BRD4: variants seen among roughly 807,000 people sequenced by gnomAD.
BRD4 encodes bromodomain containing 4, also known as bromodomain-containing protein 4.
Under a neutral mutation model 142.1 loss-of-function variants are expected in BRD4, and 16 were observed. That is an observed-to-expected ratio of 0.11 (90% CI 0.08 to 0.17). The LOEUF is 0.17. BRD4 is among the 10% of genes least tolerant of loss of function. The pLI, the probability that BRD4 is intolerant of heterozygous loss-of-function variation, is 1.00. For missense variants in BRD4, 1,424 were observed against 1,810.9 expected, an observed-to-expected ratio of 0.79 and a Z score of 3.88; for synonymous variants, 833 against 707.5, an observed-to-expected ratio of 1.18 and a Z score of -2.82.
chr19:15,244,912 G>A, intron 11 of BRD4, 150 bp from the exon 12 acceptor site: 2 of 1,367,414 alleles, frequency 1.5e-6, no homozygotes, highest in Admixed American at 4.5e-5. Flanking sequence ...GGATGAGTTG[G>A]TCATCACGGG....
intron 1 of BRD4, among the ~76,000 whole-genome samples, chr19:15,326,560 T>C (rs956801919): frequency 3.9e-5 from 6 of 152,142 alleles, no homozygotes; most frequent in Admixed American, 3.3e-4. Context: ...CAAAGACAAA[T>C]AACTGGAAGG....
At chr19:15,329,037 T>C (rs954815939) in intron 1 of BRD4, among the ~76,000 whole-genome samples, 1 of 151,836 alleles carries the variant, frequency 6.6e-6, no homozygotes, top group Non-Finnish European at 1.5e-5. Flanking sequence ...CCTCTCAAAG[T>C]GCTGGGATCA....
intron 2 of BRD4, among the ~76,000 whole-genome samples, chr19:15,271,672 C>A (rs1054738487): frequency 6.6e-6 from 1 of 152,212 alleles, no homozygotes; most frequent in African/African-American, 2.4e-5. Context: ...CTCCCGCAGG[C>A]CAACACAGCT....
chr19:15,265,610 T>C lies in BRD4; in HGVS notation c.593A>G (p.Asn198Ser). Residue 198 changes from asparagine (N) to serine (S), a missense_variant, in exon 5 of 20, where the codon AAC (asparagine) becomes AGC (serine). By Grantham distance (46) the Asn-to-Ser change is conservative. Coordinates refer to ENST00000679869, the MANE Select transcript of BRD4 (RefSeq NM_001379291.1). ...CGGAGGAGTCGATGCTTGAGTTGTG[T>C]TTGGTACCGTGGAAACGCCAGGTTT... The part of the protein sequence containing the change: ...TAKPGVSTVP[N>S]TTQASTPPQT... 6.2e-7 allele frequency: 1 copy of C among 1,614,056 alleles called. No homozygotes were observed. Among genetic ancestry groups the C allele is most frequent in the South Asian group, 1.1e-5 (1 of 91,064 alleles).
Position 15,243,054 on chromosome 19 carries a change from G to T in BRD4, c.3015C>A (p.Ser1005=). Residue 1005 remains serine, a synonymous_variant, in exon 14 of 20, where the codon TCC becomes TCA. Coordinates refer to ENST00000679869, the MANE Select transcript of BRD4 (RefSeq NM_001379291.1). ...RPVHLQPMQF[S]THIQQPPPPQ... is the part of the protein sequence containing the mutation. ...GTGGCGGGGGCTGTTGGATGTGGGT[G>T]GAAAACTGCATGGGCTGCAAGTGCA... 6.5e-7 allele frequency: 1 copy of T among 1,536,230 alleles called. No homozygotes were observed.
chr19:15,314,339 T>C (rs1195323234), intron 1 of BRD4, among the ~76,000 whole-genome samples: 2 of 152,170 alleles, frequency 1.3e-5, no homozygotes, highest in Non-Finnish European at 1.5e-5. Flanking sequence ...CTATTAAACA[T>C]GATACTTATC....
At chr19:15,275,554 G>A (rs1201168248) in intron 1 of BRD4, 1 of 152,192 alleles carries the variant, frequency 6.6e-6, no homozygotes, top group Non-Finnish European at 1.5e-5. Flanking sequence ...GTGACACAGT[G>A]GCCATCCTTA....
intron 11 of BRD4, among the ~76,000 whole-genome samples, chr19:15,252,225 A>T (rs1247434307): frequency 2.6e-5 from 4 of 152,184 alleles, no homozygotes; most frequent in Non-Finnish European, 5.9e-5. Flanking sequence ...CACACACTGG[A>T]AATCAGGATG....
intron 7 of BRD4, among the ~76,000 whole-genome samples, chr19:15,259,484 C>T (rs1015555575): frequency 6.6e-6 from 1 of 152,182 alleles, no homozygotes; most frequent in Admixed American, 6.5e-5. Context: ...CTCCAAAGGC[C>T]CCAACAACAA....
chr19:15,299,406 C>A (rs547105065), intron 1 of BRD4, among the ~76,000 whole-genome samples: 1 of 152,204 alleles, frequency 6.6e-6, no homozygotes, highest in Non-Finnish European at 1.5e-5. Flanking sequence ...CACACTTCCA[C>A]ACATTCCGCA....
chr19:15,244,640 A>G, intron 12 of BRD4, 40 bp from the exon 13 acceptor site: 1 of 1,613,954 alleles, frequency 6.2e-7, no homozygotes, highest in Non-Finnish European at 8.5e-7. Flanking sequence ...GGCTGATGTC[A>G]GGCAGGCAGA....
intron 1 of BRD4, among the ~76,000 whole-genome samples, chr19:15,278,843 TTTTC>T (rs1213436339): frequency 6.6e-6 from 1 of 152,134 alleles, no homozygotes; most frequent in East Asian, 1.9e-4. Context: ...AGCATGCCTG[TTTTC>T]TTTTCTTTTT....
At chr19:15,253,359 GT>G (rs1568382371) in intron 11 of BRD4, 1 of 603,518 alleles carries the variant, frequency 1.7e-6, no homozygotes, top group East Asian at 2.8e-5. Flanking sequence ...GAGGAGAGCA[GT>G]CCCCTCTCCA....
rs979471334 is a variant in BRD4, at chr19:15,325,826, C to T, written c.-35+6464G>A. On this transcript the variant is annotated intron_variant, in intron 1 of 19. Transcript: ENST00000679869. ...CCAGCCTGACCAACATGGAGAAACC[C>T]CGTCTCTACTAGAAATACAAAATTA... 1.3e-4 allele frequency among the ~76,000 whole-genome samples: 20 copies of T among 151,524 alleles called. 1 individual carries two copies. The highest frequency in any genetic ancestry group is 4.4e-4 in the African/African-American group (18 of 41,204).
chr19:15,320,404 G>A (rs142671591), intron 1 of BRD4, among the ~76,000 whole-genome samples: 7 of 152,168 alleles, frequency 4.6e-5, no homozygotes, highest in Non-Finnish European at 8.8e-5. Flanking sequence ...TTGCAGGCAC[G>A]GAAGATAGAT....
At chr19:15,250,687 G>A (rs1487353999) in intron 11 of BRD4, among the ~76,000 whole-genome samples, 1 of 152,204 alleles carries the variant, frequency 6.6e-6, no homozygotes, top group East Asian at 1.9e-4. Context: ...ATTCCTAAGA[G>A]GGACATAAGC....
chr19:15,305,121 C>T (rs1019053803), intron 1 of BRD4, among the ~76,000 whole-genome samples: 8 of 150,456 alleles, frequency 5.3e-5, no homozygotes, highest in African/African-American at 1.5e-4. Context: ...TGGGTTCAAG[C>T]GATTCTCCCG....
chr19:15,254,343 T>C (rs2047383260), intron 10 of BRD4, 81 bp from the exon 11 acceptor site: 1 of 1,220,118 alleles, frequency 8.2e-7, no homozygotes, highest in African/African-American at 1.5e-5. Context: ...ACCCCATCCA[T>C]CTGGAGGAAG....
chr19:15,254,355 AC>A, intron 10 of BRD4, 93 bp from the exon 11 acceptor site: 1 of 1,095,628 alleles, frequency 9.1e-7, no homozygotes, highest in Non-Finnish European at 1.4e-6. Flanking sequence ...TGGAGGAAGG[AC>A]CAGTGAGGAG....
Sources: gnomAD v4.1 joint callset for allele counts (sites outside exome capture counted in the v4.1 genomes callset) on GRCh38, gnomAD v4.1.1 for gene constraint, MANE v1.5 for transcripts, NCBI Gene and HGNC (gene_info 2026-07-23, HGNC 2026-07-21) for gene names.